The following CCDC122 variants were observed in gnomAD, a reference collection of about 807,000 sequenced individuals.
CCDC122 encodes the protein coiled-coil domain containing 122, also known as coiled-coil domain-containing protein 122.
A neutral mutation model predicts 37.0 loss-of-function variants in CCDC122; 38 were observed. The observed-to-expected ratio is 1.03, with a 90% CI of 0.79 to 1.35. The LOEUF is 1.35. Ranked by LOEUF, CCDC122 falls within the 40% of genes most tolerant of loss-of-function variation. The probability of loss-of-function intolerance (pLI) is 0.00; values close to 1 mark genes in which losing one functional copy is unlikely to be tolerated. For synonymous variants in CCDC122, 83 were observed against 95.6 expected (o/e 0.87, Z 0.77); for missense variants, 305 against 310.0 (o/e 0.98, Z 0.12).
intron 6 of CCDC122, among the ~76,000 whole-genome samples, chr13:43,848,516 G>T (rs2065925): frequency 6.6e-6 from 1 of 151,952 alleles, no homozygotes; most frequent in Non-Finnish European, 1.5e-5. Context: ...TGCTTCCCCA[G>T]TTTTTTGTCA....
chr13:43,865,400 A>G (rs1311461046), intron 4 of CCDC122, among the ~76,000 whole-genome samples: 1 of 152,110 alleles, frequency 6.6e-6, no homozygotes, highest in Non-Finnish European at 1.5e-5. Flanking sequence ...CAAGGGGAAT[A>G]TGTTCCAAGA....
chr13:43,828,408 A>G (rs1384556767), intron 3 of CCDC122, among the ~76,000 whole-genome samples: 1 of 152,210 alleles, frequency 6.6e-6, no homozygotes, highest in Non-Finnish European at 1.5e-5. Flanking sequence ...CAGCCACATC[A>G]AATGCCAAGT....
chr13:43,863,992 T>A (rs1223648146), intron 4 of CCDC122, among the ~76,000 whole-genome samples: 2 of 152,196 alleles, frequency 1.3e-5, no homozygotes, highest in African/African-American at 4.8e-5. Context: ...ATTCAGGCCT[T>A]TGATTCATTT....
chr13:43,822,132 T>C (rs1339079677), downstream of CCDC122, among the ~76,000 whole-genome samples: 1 of 152,176 alleles, frequency 6.6e-6, no homozygotes, highest in Non-Finnish European at 1.5e-5. Flanking sequence ...CCCCTCCTTC[T>C]TGGGAAGGCT....
intron 4 of CCDC122, among the ~76,000 whole-genome samples, chr13:43,865,146 G>A (rs1954237094): frequency 6.6e-6 from 1 of 152,080 alleles, no homozygotes; most frequent in South Asian, 2.1e-4. Flanking sequence ...TATAATAAAT[G>A]GGTAATAGGT....
At chr13:43,846,921 T>C (rs904327849) in intron 6 of CCDC122, among the ~76,000 whole-genome samples, 1 of 152,232 alleles carries the variant, frequency 6.6e-6, no homozygotes, top group African/African-American at 2.4e-5. Context: ...CTACTATTAG[T>C]TGTGTTCATA....
chr13:43,859,628 A>C (rs747506287), intron 5 of CCDC122, 44 bp downstream of exon 5: 10 of 1,399,738 alleles, frequency 7.1e-6, no homozygotes, highest in Non-Finnish European at 9.5e-6. Context: ...ACTTGCAAAA[A>C]AGGAGTAATA....
chr13:43,854,734 T>C (rs923194042), intron 6 of CCDC122: 3 of 152,148 alleles, frequency 2.0e-5, no homozygotes, highest in African/African-American at 7.2e-5. Flanking sequence ...AACAAAATAC[T>C]GTTAAATTGA....
At chr13:43,820,011 A>G (rs1952982810), downstream of CCDC122, among the ~76,000 whole-genome samples, 1 of 152,126 alleles carries the variant, frequency 6.6e-6, no homozygotes, top group African/African-American at 2.4e-5. Context: ...TGAAACAATA[A>G]ATATTTGTAT....
intron 4 of CCDC122, among the ~76,000 whole-genome samples, chr13:43,866,300 T>C (rs1294050020): frequency 1.3e-5 from 2 of 152,218 alleles, no homozygotes; most frequent in Non-Finnish European, 1.5e-5. Flanking sequence ...AATCAAATCA[T>C]TGGACACCAA....
chr13:43,826,317 T>C (rs1411484402), intron 3 of CCDC122, among the ~76,000 whole-genome samples: 1 of 152,218 alleles, frequency 6.6e-6, no homozygotes, highest in Non-Finnish European at 1.5e-5. Flanking sequence ...CTTACCTAAA[T>C]TGTGATGTAT....
chr13:43,848,817 A>T, intron 6 of CCDC122: 2 of 859,544 alleles, frequency 2.3e-6, no homozygotes, highest in Non-Finnish European at 2.8e-6. Context: ...GAACAAAATA[A>T]TGCTGTAGTC....
chr13:43,853,508 TCAAA>T (rs1953812944), intron 6 of CCDC122, among the ~76,000 whole-genome samples: 1 of 152,078 alleles, frequency 6.6e-6, no homozygotes, highest in African/African-American at 2.4e-5. Flanking sequence ...TTAGAGACCT[TCAAA>T]CAGACTTAGA....
downstream of CCDC122, among the ~76,000 whole-genome samples, chr13:43,835,762 TATA>T (rs941336970): frequency 3.3e-5 from 5 of 152,178 alleles, no homozygotes; most frequent in Admixed American, 1.3e-4. Flanking sequence ...ACTTAGAAAA[TATA>T]ATAACTTTTT....
intron 6 of CCDC122, among the ~76,000 whole-genome samples, chr13:43,851,102 T>C (rs1049161791): frequency 5.3e-5 from 8 of 151,932 alleles, no homozygotes; most frequent in African/African-American, 1.9e-4. Flanking sequence ...CCAGCAAAAA[T>C]AGCCTTTAGG....
intron 6 of CCDC122, among the ~76,000 whole-genome samples, chr13:43,856,996 C>G (rs1431221011): frequency 6.6e-6 from 1 of 152,154 alleles, no homozygotes; most frequent in Non-Finnish European, 1.5e-5. Flanking sequence ...TTCCAAAGTG[C>G]TTTTAGCAAT....
chr13:43,871,026 G>A (rs923272512), intron 2 of CCDC122, among the ~76,000 whole-genome samples: 2 of 152,012 alleles, frequency 1.3e-5, no homozygotes, highest in South Asian at 4.1e-4. Context: ...TGACTTACAC[G>A]AAAACTTCGT....
chr13:43,826,439 T>G (rs1953041884), intron 3 of CCDC122, among the ~76,000 whole-genome samples: 1 of 152,210 alleles, frequency 6.6e-6, no homozygotes, highest in Non-Finnish European at 1.5e-5. Context: ...GCTTTTCCAT[T>G]TTGCTATGTA....
chr13:43,869,736 G>A (rs761328198), intron 2 of CCDC122, among the ~76,000 whole-genome samples: 2 of 152,032 alleles, frequency 1.3e-5, no homozygotes, highest in African/African-American at 4.8e-5. Flanking sequence ...TATGTAGCAT[G>A]CATAGAACAG....
Sources: allele counts gnomAD v4.1 joint callset (sites outside exome capture counted in the v4.1 genomes callset), GRCh38; gene constraint gnomAD v4.1.1; transcripts MANE v1.5; gene names NCBI Gene and HGNC (gene_info 2026-07-23, HGNC 2026-07-21).